Variants in NRXN1 observed in about 807,000 individuals in gnomAD.
NRXN1 encodes neurexin 1.
In NRXN1, 39 loss-of-function variants were observed where a neutral mutation model predicts 150.9. The ratio of observed to expected loss-of-function variants is 0.26; its 90% CI spans 0.20 to 0.34. The LOEUF is 0.34. Ranked by LOEUF, NRXN1 falls within the 10% of genes least tolerant of loss-of-function variation. The probability of loss-of-function intolerance (pLI) is 1.00; values close to 1 mark genes in which losing one functional copy is unlikely to be tolerated. For synonymous variants in NRXN1, 924 were observed against 757.0 expected, an observed-to-expected ratio of 1.22 and a Z score of -3.62; for missense variants, 1,815 against 1,949.9, an observed-to-expected ratio of 0.93 and a Z score of 1.30.
chr2:50,868,141 T>TTATATATATATATA (rs70958631), intron 5 of NRXN1, among the ~76,000 whole-genome samples: 3 of 87,688 alleles, frequency 3.4e-5, no homozygotes, highest in African/African-American at 5.2e-5. Flanking sequence ...AAACAAAATA[T>TTATATATATATATA]TATATATATA....
intron 17 of NRXN1, among the ~76,000 whole-genome samples, chr2:50,308,490 C>A (rs376721933): frequency 6.6e-6 from 1 of 151,704 alleles, no homozygotes; most frequent in African/African-American, 2.4e-5. Context: ...GCAACTTCCA[C>A]GTAAGTTTTT....
intron 13 of NRXN1, among the ~76,000 whole-genome samples, chr2:50,501,371 A>G (rs2091930152): frequency 7.1e-6 from 1 of 139,962 alleles, no homozygotes. Flanking sequence ...GCAGGGGTTA[A>G]CCATGACTCG....
At chr2:50,796,001 A>G (rs572632538) in intron 5 of NRXN1, among the ~76,000 whole-genome samples, 6 of 152,222 alleles carry the variant, frequency 3.9e-5, no homozygotes, top group Middle Eastern at 3.4e-3. Flanking sequence ...TAGTGCTTCA[A>G]CTAAAGCCAC....
intron 2 of NRXN1, among the ~76,000 whole-genome samples, chr2:50,952,188 G>T (rs972116318): frequency 6.6e-6 from 1 of 151,124 alleles, no homozygotes; most frequent in South Asian, 2.1e-4. Context: ...GGATGGTCTC[G>T]ATCTCCTGAC....
chr2:49,977,353 C>T (rs1446548341), intron 21 of NRXN1, among the ~76,000 whole-genome samples: 7 of 152,080 alleles, frequency 4.6e-5, no homozygotes, highest in Non-Finnish European at 8.8e-5. Flanking sequence ...TAGCAGCATC[C>T]AGTGGATAGT....
chr2:50,874,019 G>C (rs554403777), intron 5 of NRXN1, among the ~76,000 whole-genome samples: 1 of 151,858 alleles, frequency 6.6e-6, no homozygotes, highest in Non-Finnish European at 1.5e-5. Flanking sequence ...CAACCAATTT[G>C]CCTCATATGG....
intron 5 of NRXN1, among the ~76,000 whole-genome samples, chr2:50,811,578 T>C (rs1189221287): frequency 6.6e-6 from 1 of 152,196 alleles, no homozygotes; most frequent in Non-Finnish European, 1.5e-5. Context: ...CACAGACAAT[T>C]GCAACCAATG....
At chr2:50,298,978 C>G (rs879824985) in intron 17 of NRXN1, among the ~76,000 whole-genome samples, 1 of 152,092 alleles carries the variant, frequency 6.6e-6, no homozygotes, top group Non-Finnish European at 1.5e-5. Flanking sequence ...TCCATAGATA[C>G]GAAATTTTCA....
intron 18 of NRXN1, among the ~76,000 whole-genome samples, chr2:50,116,959 G>C (rs1268341918): frequency 6.6e-6 from 1 of 152,090 alleles, no homozygotes; most frequent in African/African-American, 2.4e-5. Flanking sequence ...AAGAGGTAGT[G>C]GGGTGTTACA....
chr2:50,954,415 C>T (rs1691928681), intron 2 of NRXN1, among the ~76,000 whole-genome samples: 1 of 152,184 alleles, frequency 6.6e-6, no homozygotes. Flanking sequence ...AAAGAGTATA[C>T]TTCACTGATG....
At chr2:50,313,207 A>G (rs911862724) in intron 17 of NRXN1, among the ~76,000 whole-genome samples, 3 of 152,046 alleles carry the variant, frequency 2.0e-5, no homozygotes, top group African/African-American at 7.2e-5. Flanking sequence ...TCTATTAATC[A>G]AGGATGGTGA....
rs1251644853 is a variant in NRXN1, at chr2:50,664,645, A to G, written c.833-41030T>C. Among the ~76,000 whole-genome samples the G allele has an allele frequency of 2.0e-5, 3 of 151,924 alleles. No homozygotes were observed. In the East Asian group the frequency reaches 5.8e-4, roughly 30 times the overall value. On this transcript the variant is annotated intron_variant, in intron 5 of 22. Coordinates refer to ENST00000401669, the MANE Select transcript of NRXN1 (RefSeq NM_001330078.2). ...ACAATGTCCTTCACTGTCTGGGCATAGAAAAGCTAGCTAGCTCATCTCATC... is the reference window on the plus strand; with the variant it reads ...ACAATGTCCTTCACTGTCTGGGCATGGAAAAGCTAGCTAGCTCATCTCATC...
chr2:49,944,960 G>A (rs1672629177), intron 21 of NRXN1, among the ~76,000 whole-genome samples: 1 of 152,186 alleles, frequency 6.6e-6, no homozygotes, highest in African/African-American at 2.4e-5. Context: ...AAATTTTTAA[G>A]AAAGTTGTGG....
At chr2:50,461,186 C>A (rs145007503) in intron 17 of NRXN1, among the ~76,000 whole-genome samples, 1,654 of 151,926 alleles carry the variant, frequency 0.011, 10 homozygotes, top group Non-Finnish European at 0.016. Context: ...CTCATTTCAG[C>A]GAATGTTTCT....
chr2:50,409,552 T>C (rs1238701106), intron 17 of NRXN1, among the ~76,000 whole-genome samples: 3 of 152,312 alleles, frequency 2.0e-5, no homozygotes, highest in East Asian at 3.9e-4. Flanking sequence ...CTCTTTTGCA[T>C]TGGGACAGCA....
intron 5 of NRXN1, among the ~76,000 whole-genome samples, chr2:50,906,929 G>C (rs766442013): frequency 1.3e-4 from 20 of 151,850 alleles, no homozygotes; most frequent in Non-Finnish European, 2.8e-4. Context: ...AAGGAAATTG[G>C]AAAAGCCTCA....
chr2:50,714,658 A>G (rs1157273988), intron 5 of NRXN1, among the ~76,000 whole-genome samples: 1 of 152,190 alleles, frequency 6.6e-6, no homozygotes, highest in African/African-American at 2.4e-5. Context: ...AAGAATCAAA[A>G]TATACCAAAT....
At chr2:50,514,061 C>T (rs1456092510) in intron 12 of NRXN1, among the ~76,000 whole-genome samples, 1 of 152,124 alleles carries the variant, frequency 6.6e-6, no homozygotes, top group Non-Finnish European at 1.5e-5. Context: ...ATTTGTCTAA[C>T]ATATTCATTG....
At chr2:50,021,562 G>T (rs1441988943) in intron 21 of NRXN1, among the ~76,000 whole-genome samples, 2 of 152,064 alleles carry the variant, frequency 1.3e-5, no homozygotes, top group African/African-American at 4.8e-5. Context: ...ATTTTTCTAA[G>T]AAATAAATTA....
Sources: gnomAD v4.1 joint callset for allele counts (sites outside exome capture counted in the v4.1 genomes callset) on GRCh38, gnomAD v4.1.1 for gene constraint, MANE v1.5 for transcripts, NCBI Gene and HGNC (gene_info 2026-07-23, HGNC 2026-07-21) for gene names.